The following PRSS3 variants were observed in gnomAD, a reference collection of about 807,000 sequenced individuals.
The protein encoded by PRSS3 is trypsin-3.
In PRSS3, 14 loss-of-function variants were observed where a neutral mutation model predicts 20.8. The ratio of observed to expected loss-of-function variants is 0.67; its 90% CI spans 0.44 to 1.05. The LOEUF is 1.05. Among genes scored for constraint, PRSS3 ranks in the 50% least tolerant of loss-of-function variants. The pLI is 0.00. For missense variants in PRSS3, 237 were observed against 306.4 expected, an observed-to-expected ratio of 0.77 and a Z score of 1.69; for synonymous variants, 91 against 117.6, an observed-to-expected ratio of 0.77 and a Z score of 1.46.
At position 33,799,116 on chromosome 9, in the gene PRSS3, G is replaced by A; in HGVS notation, c.680G>A (p.Gly227Glu). Reference sequence around the variant, plus strand: ...GGCTGTGCCTGGAAGAACAGGCCTGGAGTCTACACCAAGGTCTACAACTAT... The same window carrying A: ...GGCTGTGCCTGGAAGAACAGGCCTGAAGTCTACACCAAGGTCTACAACTAT... ...GHGCAWKNRP[G>E]VYTKVYNYVD... Residue 227 changes from glycine to glutamate, a missense_variant, in exon 5 of 5, where the codon GGA (glycine) becomes GAA (glutamate). Gly to Glu is a moderately conservative substitution (Grantham distance 98). Coordinates refer to ENST00000379405, the MANE Select transcript of PRSS3 (RefSeq NM_002771.4). 2 of 1,613,488 alleles carry A rather than the reference G, an allele frequency of 1.2e-6. No individual in the cohort carries two copies. The highest frequency in any genetic ancestry group is 1.7e-6 in the Non-Finnish European group (2 of 1,179,950).
At chr9:33,768,888 A>T (rs1317524212) in intron 1 of PRSS3, among the ~76,000 whole-genome samples, 1 of 152,130 alleles carries the variant, frequency 6.6e-6, no homozygotes, top group Non-Finnish European at 1.5e-5. Context: ...AGGAAAAGAA[A>T]ATGCGTCTAT....
chr9:33,772,588 C>T (rs911769270), intron 1 of PRSS3, among the ~76,000 whole-genome samples: 4 of 152,116 alleles, frequency 2.6e-5, no homozygotes, highest in African/African-American at 7.2e-5. Context: ...GACGGAGTTT[C>T]GCTCTTGTCG....
chr9:33,794,159 C>T (rs1288800561), upstream of PRSS3, among the ~76,000 whole-genome samples: 1 of 152,176 alleles, frequency 6.6e-6, no homozygotes, highest in African/African-American at 2.4e-5. Flanking sequence ...TCCCTCTAGC[C>T]CCCTGGCCAT....
upstream of PRSS3, among the ~76,000 whole-genome samples, chr9:33,791,215 C>T (rs1824617387): frequency 6.6e-6 from 1 of 152,196 alleles, no homozygotes; most frequent in Non-Finnish European, 1.5e-5. Flanking sequence ...GGAAATGGAA[C>T]AGATGATATG....
intron 1 of PRSS3, among the ~76,000 whole-genome samples, chr9:33,789,697 G>A (rs995916781): frequency 6.6e-6 from 1 of 152,082 alleles, no homozygotes. Context: ...CTTCCTGCTC[G>A]ATGCTCCCAT....
chr9:33,767,682 A>G (rs1438625989), intron 1 of PRSS3, among the ~76,000 whole-genome samples: 1 of 152,126 alleles, frequency 6.6e-6, no homozygotes, highest in African/African-American at 2.4e-5. Context: ...AAAATTAGCC[A>G]GGCGTGGTTG....
chr9:33,795,551 C>G (rs779855042), upstream of PRSS3: 1 of 1,614,164 alleles, frequency 6.2e-7, no homozygotes, highest in South Asian at 1.1e-5. Context: ...CCTTCCACCA[C>G]CAGTCAGGCA....
chr9:33,777,596 T>G (rs1823993077), intron 1 of PRSS3, among the ~76,000 whole-genome samples: 1 of 147,480 alleles, frequency 6.8e-6, no homozygotes, highest in Admixed American at 6.7e-5. Context: ...CCAGCTACTC[T>G]ACTCGGGAGG....
intron 1 of PRSS3, among the ~76,000 whole-genome samples, chr9:33,763,373 C>T (rs1323940518): frequency 6.6e-6 from 1 of 152,152 alleles, no homozygotes; most frequent in Non-Finnish European, 1.5e-5. Flanking sequence ...GCATTCTATC[C>T]ATGCAAGAGA....
chr9:33,767,549 C>A (rs1823490194), intron 1 of PRSS3, among the ~76,000 whole-genome samples: 1 of 151,908 alleles, frequency 6.6e-6, no homozygotes, highest in Non-Finnish European at 1.5e-5. Context: ...TAGGGCCGGG[C>A]GCGGTGACTC....
chr9:33,784,829 A>C (rs1242669214), intron 1 of PRSS3, among the ~76,000 whole-genome samples: 4 of 152,196 alleles, frequency 2.6e-5, no homozygotes, highest in Non-Finnish European at 5.9e-5. Context: ...AGAGTCAGAC[A>C]ATACTTGATA....
In PRSS3 at chr9:33,788,083, C is replaced by T. The variant is rs1293377196; in HGVS notation, c.-52-6663C>T. ...GCAACTTGACATGCTTGGCAAAGCACTGAAGGACATTCTATTTCTAGAAGG... is the reference window on the plus strand; with the variant it reads ...GCAACTTGACATGCTTGGCAAAGCATTGAAGGACATTCTATTTCTAGAAGG... On this transcript the variant is annotated intron_variant, in intron 1 of 5. Transcript: ENST00000342836. Among the ~76,000 whole-genome samples the T allele has an allele frequency of 2.6e-5, 4 of 152,196 alleles. No individual in the cohort carries two copies. The East Asian group carries it at 7.7e-4, about 29-fold the overall frequency.
intron 1 of PRSS3, among the ~76,000 whole-genome samples, chr9:33,762,881 C>T (rs1239906133): frequency 6.6e-6 from 1 of 152,180 alleles, no homozygotes; most frequent in Non-Finnish European, 1.5e-5. Context: ...GAGCACCAGA[C>T]TAGAGAGGAA....
chr9:33,751,739 T>C (rs1444648341), intron 1 of PRSS3, among the ~76,000 whole-genome samples: 1 of 152,174 alleles, frequency 6.6e-6, no homozygotes, highest in Non-Finnish European at 1.5e-5. Context: ...TTATTGTTCA[T>C]GAGAAACGTG....
rs753245639 is a variant in PRSS3 at position 33,796,748 on chromosome 9, G to C, written c.146G>C (p.Gly49Ala). ...VSLNSGSHFC[G>A]GSLISEQWVV... ...CTGAATTCTGGCTCCCACTTCTGCG[G>C]TGGCTCCCTCATCAGCGAACAGTGG... Residue 49 changes from glycine to alanine, a missense_variant, in exon 2 of 5, where the codon GGT becomes GCT. Coordinates refer to ENST00000379405, the MANE Select transcript of PRSS3 (RefSeq NM_002771.4). 6.2e-7 allele frequency: 1 copy of C among 1,607,824 alleles called. No individual in the cohort carries two copies.
At chr9:33,775,262 C>A (rs1340642303) in intron 1 of PRSS3, among the ~76,000 whole-genome samples, 1 of 152,156 alleles carries the variant, frequency 6.6e-6, no homozygotes, top group Non-Finnish European at 1.5e-5. Flanking sequence ...CGTCACCCCC[C>A]AGCTCAGCCA....
intron 1 of PRSS3, among the ~76,000 whole-genome samples, chr9:33,766,225 A>AT (rs1823407145): frequency 7.6e-6 from 1 of 131,422 alleles, no homozygotes; most frequent in African/African-American, 2.9e-5. Flanking sequence ...AGACCACGCC[A>AT]TGCACTCTAG....
At chr9:33,762,195 T>C (rs1823237977) in intron 1 of PRSS3, 1 of 152,192 alleles carries the variant, frequency 6.6e-6, no homozygotes, top group African/African-American at 2.4e-5. Context: ...GTAATTGTGT[T>C]CCATATCATG....
intron 1 of PRSS3, among the ~76,000 whole-genome samples, chr9:33,773,019 C>T (rs1166877055): frequency 6.6e-6 from 1 of 152,084 alleles, no homozygotes; most frequent in Non-Finnish European, 1.5e-5. Context: ...TTTAAAGCAC[C>T]GTATCAAGTT....
Sources: gnomAD v4.1 joint callset for allele counts (sites outside exome capture counted in the v4.1 genomes callset) on GRCh38, gnomAD v4.1.1 for gene constraint, MANE v1.5 for transcripts, NCBI Gene and HGNC (gene_info 2026-07-23, HGNC 2026-07-21) for gene names.